Variants in FRMPD4 observed in about 807,000 individuals in gnomAD.
FRMPD4 encodes the protein FERM and PDZ domain containing 4.
FRMPD4 carries 22 observed loss-of-function variants against 94.1 expected under a neutral mutation model. That is an observed-to-expected ratio of 0.23 (90% CI 0.17 to 0.33). The LOEUF (loss-of-function observed/expected upper bound fraction) is 0.33. Ranked by LOEUF, FRMPD4 falls within the 10% of genes least tolerant of loss-of-function variation. The pLI is 1.00. For synonymous variants in FRMPD4, 631 were observed against 548.6 expected (o/e 1.15, Z -2.10); for missense variants, 1,111 against 1,339.9 (o/e 0.83, Z 2.67).
At chrX:11,997,665 TCTC>T (rs760160343) in intron 3 of FRMPD4, among the ~76,000 whole-genome samples, 1 of 110,920 alleles carries the variant, frequency 9.0e-6, no homozygotes, top group Admixed American at 9.6e-5. Flanking sequence ...CCTAGGATAT[TCTC>T]TTCTTATGGT....
intron 1 of FRMPD4, among the ~76,000 whole-genome samples, chrX:12,363,732 AC>A (rs774153182): frequency 9.8e-5 from 11 of 111,987 alleles, no homozygotes; most frequent in Non-Finnish European, 1.9e-4. Context: ...CAGACACCCT[AC>A]CTTTGAGTCA....
intron 1 of FRMPD4, among the ~76,000 whole-genome samples, chrX:12,416,957 G>C (rs2056810026): frequency 9.0e-6 from 1 of 111,463 alleles, no homozygotes; most frequent in South Asian, 3.8e-4. Context: ...TAGTCATCCA[G>C]AGACTATTCC....
intron 3 of FRMPD4, among the ~76,000 whole-genome samples, chrX:11,958,670 G>A (rs1212024375): frequency 8.9e-6 from 1 of 111,852 alleles, no homozygotes; most frequent in African/African-American, 3.2e-5. Context: ...GCCAATTACA[G>A]AAGCTCAGTC....
intron 1 of FRMPD4, among the ~76,000 whole-genome samples, chrX:12,473,474 T>G (rs1384280834): frequency 9.3e-6 from 1 of 107,607 alleles, no homozygotes; most frequent in Non-Finnish European, 1.9e-5. Context: ...ATATTAACCT[T>G]AAATGTAAAT....
rs762867688 is a variant in FRMPD4 at position 12,609,234 on chromosome X, G to C, written c.159-487G>C. Among the ~76,000 whole-genome samples, 3 of 111,451 alleles carry C rather than the reference G, an allele frequency of 2.7e-5. No homozygotes were observed. In the East Asian group the frequency reaches 8.4e-4, roughly 31 times the overall value. The stretch of plus-strand genomic sequence containing the variant: ...AGGAACAACAGGGGATGGTCTTGCT[G>C]TCTCAGGGGTGGCAGAGGAGGAAGA... On this transcript the variant is annotated intron_variant, in intron 2 of 16. Coordinates refer to ENST00000675598, the MANE Select transcript of FRMPD4 (RefSeq NM_001368397.1).
At chrX:11,927,423 G>A (rs976547050) in intron 3 of FRMPD4, among the ~76,000 whole-genome samples, 1 of 111,692 alleles carries the variant, frequency 9.0e-6, no homozygotes, top group African/African-American at 3.2e-5. Context: ...GAACCAAAAA[G>A]GAGCCTGAAT....
chrX:12,074,912 G>C (rs965988197), intron 3 of FRMPD4, among the ~76,000 whole-genome samples: 1 of 112,226 alleles, frequency 8.9e-6, no homozygotes, highest in Non-Finnish European at 1.9e-5. Context: ...ATTTGTAAAG[G>C]GAAGAAGGAT....
At chrX:11,958,487 T>C (rs2054268077) in intron 3 of FRMPD4, among the ~76,000 whole-genome samples, 1 of 112,104 alleles carries the variant, frequency 8.9e-6, no homozygotes, top group African/African-American at 3.2e-5. Flanking sequence ...ACTTTCTTTA[T>C]AGAGGTTAAA....
chrX:12,445,473 G>A (rs1022189349), intron 1 of FRMPD4, among the ~76,000 whole-genome samples: 1 of 112,346 alleles, frequency 8.9e-6, no homozygotes, highest in African/African-American at 3.2e-5. Context: ...AACAGATTTG[G>A]GAATAATAAT....
At chrX:11,967,752 G>GTTTTT in intron 3 of FRMPD4, among the ~76,000 whole-genome samples, 1 of 77,888 alleles carries the variant, frequency 1.3e-5, no homozygotes, top group East Asian at 5.3e-4. Context: ...GTGTGTGTGT[G>GTTTTT]TGTGTTTTTT....
intron 9 of FRMPD4, 84 bp from the exon 10 acceptor site, chrX:12,701,790 G>A: frequency 9.8e-7 from 1 of 1,015,369 alleles, no homozygotes; most frequent in South Asian, 2.1e-5. Flanking sequence ...GAATCACTCG[G>A]GAAATGTATG....
chrX:12,198,444 C>T (rs747394372), intron 1 of FRMPD4, among the ~76,000 whole-genome samples: 4 of 111,640 alleles, frequency 3.6e-5, no homozygotes, highest in Non-Finnish European at 7.5e-5. Context: ...TTCTCACAAC[C>T]CCACCCCGAC....
chrX:12,214,474 GT>G (rs2056784942), intron 1 of FRMPD4, among the ~76,000 whole-genome samples: 1 of 112,054 alleles, frequency 8.9e-6, no homozygotes, highest in South Asian at 3.7e-4. Context: ...TTACCAATGA[GT>G]CATTGCTAAA....
intron 3 of FRMPD4, among the ~76,000 whole-genome samples, chrX:12,091,733 A>G (rs183432377): frequency 8.9e-6 from 1 of 111,997 alleles, no homozygotes; most frequent in East Asian, 2.8e-4. Context: ...TCTGATGTGT[A>G]AAGGCCATGG....
upstream of FRMPD4, among the ~76,000 whole-genome samples, chrX:12,133,512 C>T (rs2055570289): frequency 9.0e-6 from 1 of 111,430 alleles, no homozygotes; most frequent in Admixed American, 9.5e-5. Context: ...GCAGCCTCAA[C>T]CTCCTGGGCT....
chrX:12,332,250 G>T (rs1601828370), intron 1 of FRMPD4, among the ~76,000 whole-genome samples: 6 of 82,432 alleles, frequency 7.3e-5, no homozygotes, highest in African/African-American at 9.2e-5. Flanking sequence ...AGAGAATTTG[G>T]CCATGGACTG....
At chrX:12,453,642 C>T (rs1270441179) in intron 1 of FRMPD4, among the ~76,000 whole-genome samples, 1 of 111,255 alleles carries the variant, frequency 9.0e-6, no homozygotes, top group Non-Finnish European at 1.9e-5. Context: ...TCCCAGTAGG[C>T]AACATTTCAC....
chrX:12,302,991 A>G (rs1418550485), intron 1 of FRMPD4, among the ~76,000 whole-genome samples: 1 of 111,801 alleles, frequency 8.9e-6, no homozygotes, highest in Non-Finnish European at 1.9e-5. Flanking sequence ...CTGGCAATGA[A>G]CATGCATTTT....
intron 3 of FRMPD4, among the ~76,000 whole-genome samples, chrX:11,951,718 C>T (rs113835860): frequency 6.3e-5 from 7 of 111,933 alleles, no homozygotes; most frequent in Non-Finnish European, 1.3e-4. Context: ...TGTAACAAAC[C>T]TGCACATGTA....
Sources: allele counts gnomAD v4.1 joint callset (sites outside exome capture counted in the v4.1 genomes callset), GRCh38; gene constraint gnomAD v4.1.1; transcripts MANE v1.5; gene names NCBI Gene and HGNC (gene_info 2026-07-23, HGNC 2026-07-21).